NEURL3: variants seen among roughly 807,000 people sequenced by gnomAD.
NEURL3 encodes E3 ubiquitin-protein ligase NEURL3.
In NEURL3, 19 loss-of-function variants were observed where a neutral mutation model predicts 17.6. That is an observed-to-expected ratio of 1.08 (90% CI 0.75 to 1.58). NEURL3 has a LOEUF of 1.58. Among genes scored for constraint, NEURL3 ranks in the 40% most tolerant of loss-of-function variants. The pLI, the probability that NEURL3 is intolerant of heterozygous loss-of-function variation, is 0.00. For missense variants in NEURL3, 342 were observed against 379.6 expected (o/e 0.90, Z 0.82); for synonymous variants, 180 against 161.4 (o/e 1.11, Z -0.87).
intron 1 of NEURL3, among the ~76,000 whole-genome samples, chr2:96,504,321 T>C (rs1000291548): frequency 2.0e-5 from 3 of 152,214 alleles, no homozygotes; most frequent in Non-Finnish European, 4.4e-5. Flanking sequence ...GCTAGTCATC[T>C]GTGTTTTTGC....
rs1327572773 is a variant in NEURL3, at chr2:96,499,424, T to A, written c.540A>T (p.Thr180=). The A allele has an allele frequency of 6.3e-7, 1 of 1,599,236 alleles. No homozygotes were observed. The highest frequency in any genetic ancestry group is 8.5e-7 in the Non-Finnish European group (1 of 1,179,716). The change falls in exon 3 of 4, where the codon ACA becomes ACT. Residue 180 remains threonine (T), a synonymous_variant. Coordinates refer to ENST00000451794, the MANE Select transcript of NEURL3 (RefSeq NM_001285485.2). ...TGTTGCTGAGGTCCCATGGCATGGG[T>A]GTTGGGAGCCGGCTGGCTGTGGGAT... is the stretch of plus-strand genomic sequence containing the variant. ...LLDPTASRLP[T]PMPWDLSNKA...
upstream of NEURL3, chr2:96,505,403 T>A (rs2065553160): frequency 1.0e-6 from 1 of 960,726 alleles, no homozygotes; most frequent in Non-Finnish European, 1.6e-6. Flanking sequence ...GAGATCACGT[T>A]ACAAAGTTGA....
At chr2:96,502,199 C>T (rs1259787755) in intron 1 of NEURL3, among the ~76,000 whole-genome samples, 2 of 152,234 alleles carry the variant, frequency 1.3e-5, no homozygotes, top group African/African-American at 4.8e-5. Context: ...CCGCCCGTGC[C>T]TTCCCATGAT....
At chr2:96,499,184 A>G (rs1437572604) in intron 3 of NEURL3, 194 bp downstream of exon 3, 18 of 1,398,968 alleles carry the variant, frequency 1.3e-5, no homozygotes, top group Admixed American at 9.1e-5. Context: ...TGCTCTTATA[A>G]CTCACAGAGT....
At position 96,498,508 on chromosome 2, in the gene NEURL3, A is replaced by C; in HGVS notation, c.587-62T>G. The C allele has an allele frequency of 7.2e-7, 1 of 1,380,490 alleles. No homozygotes were observed. The highest frequency in any genetic ancestry group is 9.9e-7 in the Non-Finnish European group (1 of 1,007,784). 85.5% of individuals were successfully genotyped at this position (1,380,490 alleles called of 1,614,324 possible). A position where few individuals can be genotyped will look rare whatever the true frequency, so the allele number is the denominator to read the frequency against. On this transcript the variant is annotated intron_variant, in intron 3 of 3. Coordinates refer to ENST00000451794, the MANE Select transcript of NEURL3 (RefSeq NM_001285485.2). The surrounding 1 kb of genome is among the most constrained non-coding windows in gnomAD (Gnocchi z 4.4). Reference sequence around the variant, plus strand: ...GGAAGGGGTGGGCAACCCGCTCACAATGTGACCACAGAGAATGACAGAGAA... The same window carrying C: ...GGAAGGGGTGGGCAACCCGCTCACACTGTGACCACAGAGAATGACAGAGAA...
intron 1 of NEURL3, 167 bp from the exon 2 acceptor site, chr2:96,501,091 A>T (rs891603259): frequency 1.7e-5 from 6 of 357,728 alleles, no homozygotes; most frequent in Non-Finnish European, 2.3e-5. Flanking sequence ...TGAAAACTAT[A>T]GGAACTGATG....
At chr2:96,502,104 T>C (rs1343104631) in intron 1 of NEURL3, among the ~76,000 whole-genome samples, 1 of 152,160 alleles carries the variant, frequency 6.6e-6, no homozygotes, top group Admixed American at 6.6e-5. Context: ...CAGTGACCTT[T>C]CCCCAGCATT....
chr2:96,500,563 G>A lies in NEURL3; in HGVS notation c.390C>T (p.Arg130=). The part of the protein sequence containing the change: ...GDLVRFWVDR[R]GCLFAKVNAG... ...CGTTGACCTTGGCGAAGAGGCAGCC[G>A]CGGCGGTCCACCCAGAAGCGGACCA... The change falls in exon 2 of 4, where the codon CGC becomes CGT. Residue 130 remains arginine, a synonymous_variant. Transcript: ENST00000451794. 1.3e-6 allele frequency: 2 copies of A among 1,551,554 alleles called. No individual in the cohort carries two copies. Among genetic ancestry groups the A allele is most frequent in the Non-Finnish European group, 1.7e-6 (2 of 1,157,022 alleles).
At chr2:96,503,912 C>T (rs2065535729) in intron 1 of NEURL3, among the ~76,000 whole-genome samples, 2 of 152,228 alleles carry the variant, frequency 1.3e-5, no homozygotes, top group South Asian at 2.1e-4. Flanking sequence ...CCCAAGCACC[C>T]TCACACCTAG....
chr2:96,506,162 A>C (rs892281133), upstream of NEURL3, among the ~76,000 whole-genome samples: 1 of 152,160 alleles, frequency 6.6e-6, no homozygotes, highest in African/African-American at 2.4e-5. Flanking sequence ...ATCTTGTTAA[A>C]ATGCAGATTG....
upstream of NEURL3, chr2:96,505,471 T>C (rs779336282): frequency 4.4e-5 from 28 of 637,172 alleles, no homozygotes; most frequent in Non-Finnish European, 7.4e-5. Context: ...CCCAGTGATT[T>C]CTCCTGACTC....
chr2:96,507,389 C>A (rs1429231797), upstream of NEURL3, among the ~76,000 whole-genome samples: 1 of 152,198 alleles, frequency 6.6e-6, no homozygotes, highest in Admixed American at 6.5e-5. Context: ...GTGTCCTAGC[C>A]ATGAACCGAG....
Position 96,498,173 on chromosome 2 carries a change from C to A in NEURL3, c.*71G>T, listed in dbSNP as rs1314187841. ...TCCCCAGAAAGAAGGTAGGGCTGCG[C>A]CTCCTTCCTCTCTGCAGGGGCCAGA... On this transcript the variant is annotated 3_prime_UTR_variant, in exon 4 of 4. Coordinates refer to ENST00000451794, the MANE Select transcript of NEURL3 (RefSeq NM_001285485.2). This position sits in a 1 kb window ranked among gnomAD's most constrained non-coding sequence, Gnocchi z 4.4. 2 of 1,393,656 alleles carry A rather than the reference C, an allele frequency of 1.4e-6. No individual in the cohort carries two copies. Among genetic ancestry groups the A allele is most frequent in the Non-Finnish European group, 1.9e-6 (2 of 1,053,358 alleles). The allele number at this position is 1,393,656 out of a possible 1,614,324, so 86.3% of individuals were successfully genotyped here.
chr2:96,498,499 C>T lies in NEURL3; in HGVS notation c.587-53G>A, dbSNP rs2065467359. ...GCACATGGGGGAAGGGGTGGGCAACCCGCTCACAATGTGACCACAGAGAAT... is the reference window on the plus strand; with the variant it reads ...GCACATGGGGGAAGGGGTGGGCAACTCGCTCACAATGTGACCACAGAGAAT... On this transcript the variant is annotated intron_variant, in intron 3 of 3. Coordinates refer to ENST00000451794, the MANE Select transcript of NEURL3 (RefSeq NM_001285485.2). This position sits in a 1 kb window ranked among gnomAD's most constrained non-coding sequence, Gnocchi z 4.4. 4.7e-6 allele frequency: 7 copies of T among 1,480,340 alleles called. No homozygotes were observed. The highest frequency in any genetic ancestry group is 1.9e-5 in the Admixed American group (1 of 53,630). 91.7% of individuals were successfully genotyped at this position (1,480,340 alleles called of 1,614,324 possible). A position where few individuals can be genotyped will look rare whatever the true frequency, so the allele number is the denominator to read the frequency against.
chr2:96,501,401 G>A (rs2065506449), intron 1 of NEURL3, among the ~76,000 whole-genome samples: 1 of 152,010 alleles, frequency 6.6e-6, no homozygotes, highest in Admixed American at 6.5e-5. Flanking sequence ...AGAGGAGACA[G>A]ACAGATTTGC....
chr2:96,501,080 A>G (rs1230302380), intron 1 of NEURL3, 156 bp from the exon 2 acceptor site: 2 of 473,178 alleles, frequency 4.2e-6, no homozygotes, highest in Admixed American at 6.4e-5. Context: ...CAGGGTTGTT[A>G]TGAAAACTAT....
chr2:96,505,352 C>T lies in NEURL3; in HGVS notation c.-66G>A, dbSNP rs2065552785. The T allele has an allele frequency of 6.4e-7, 1 of 1,553,442 alleles. No individual in the cohort carries two copies. The highest frequency in any genetic ancestry group is 8.8e-7 in the Non-Finnish European group (1 of 1,139,738). ...GAACTGCCTGGAGAAGGCCAGTGGA[C>T]AGGTTACCAAAGATTCAGCAGGTCT... On this transcript the variant is annotated 5_prime_UTR_variant, in exon 1 of 4. Transcript: ENST00000451794.
Position 96,500,599 on chromosome 2 carries a change from G to T in NEURL3, c.354C>A (p.Leu118=), listed in dbSNP as rs1422349269. The change falls in exon 2 of 4, where the codon CTC becomes CTA. Residue 118 remains leucine (L), a synonymous_variant. Transcript: ENST00000451794. ...CCCAGAAGCGGACCAAGTCCCCAGTGAGCGCGCAGCCCTCAGGCAGCACGG... is the reference window on the plus strand; with the variant it reads ...CCCAGAAGCGGACCAAGTCCCCAGTTAGCGCGCAGCCCTCAGGCAGCACGG... ...WAAVLPEGCA[L]TGDLVRFWVD... 6.5e-7 allele frequency: 1 copy of T among 1,528,550 alleles called. No homozygotes were observed. Among genetic ancestry groups the T allele is most frequent in the Non-Finnish European group, 8.7e-7 (1 of 1,144,120 alleles). 94.7% of individuals were successfully genotyped at this position (1,528,550 alleles called of 1,614,324 possible). A position where few individuals can be genotyped will look rare whatever the true frequency, so the allele number is the denominator to read the frequency against.
In NEURL3 at chr2:96,499,397, C is replaced by T; in HGVS notation, c.567G>A (p.Lys189=). ...PTPMPWDLSN[K]AVPEPKATPG... Reference sequence around the variant, plus strand: ...ACTCACCTTTGGGCTCAGGCACAGCCTTGTTGCTGAGGTCCCATGGCATGG... The same window carrying T: ...ACTCACCTTTGGGCTCAGGCACAGCTTTGTTGCTGAGGTCCCATGGCATGG... The change falls in exon 3 of 4, where the codon AAG becomes AAA. Residue 189 remains lysine, a synonymous_variant. Coordinates refer to ENST00000451794, the MANE Select transcript of NEURL3 (RefSeq NM_001285485.2). 1 of 1,599,538 alleles carries T rather than the reference C, an allele frequency of 6.3e-7. No individual in the cohort carries two copies. Among genetic ancestry groups the T allele is most frequent in the Non-Finnish European group, 8.5e-7 (1 of 1,179,798 alleles).
Sources: allele counts gnomAD v4.1 joint callset (sites outside exome capture counted in the v4.1 genomes callset), GRCh38; gene constraint gnomAD v4.1.1; non-coding constraint Gnocchi (gnomAD v3.1); transcripts MANE v1.5; gene names NCBI Gene and HGNC (gene_info 2026-07-23, HGNC 2026-07-21).